The following ACAP1 variants were observed in gnomAD, a reference collection of about 807,000 sequenced individuals.
ACAP1 encodes ArfGAP with coiled-coil, ankyrin repeat and PH domains 1.
In ACAP1, 45 loss-of-function variants were observed where a neutral mutation model predicts 98.8. That is an observed-to-expected ratio of 0.46 (90% CI 0.36 to 0.58). The LOEUF is 0.58. Ranked by LOEUF, ACAP1 falls within the 20% of genes least tolerant of loss-of-function variation. The pLI is 0.00. For missense variants in ACAP1, 735 were observed against 971.4 expected, an observed-to-expected ratio of 0.76 and a Z score of 3.24; for synonymous variants, 362 against 375.3, an observed-to-expected ratio of 0.96 and a Z score of 0.41.
rs943083760 is a variant in ACAP1, at chr17:7,351,292, C to T, written c.2123-3C>T. On this transcript the variant is annotated splice_region_variant and splice_polypyrimidine_tract_variant and intron_variant, in intron 21 of 21. Transcript: ENST00000158762. ...GCCTCCCGGCCTTTCCTCCCTCCCC[C>T]AGGAGATGAGACGTATCTTGACATC... is the stretch of plus-strand genomic sequence containing the variant. 6.2e-7 allele frequency: 1 copy of T among 1,611,722 alleles called. No homozygotes were observed. The highest frequency in any genetic ancestry group is 1.1e-5 in the South Asian group (1 of 90,790).
intron 10 of ACAP1, among the ~76,000 whole-genome samples, chr17:7,345,018 G>A (rs1321240615): frequency 6.6e-6 from 1 of 152,152 alleles, no homozygotes; most frequent in East Asian, 1.9e-4. Flanking sequence ...TGAGATAGCT[G>A]GGGAGTTGGA....
At chr17:7,338,067 C>T (rs904139407) in intron 2 of ACAP1, among the ~76,000 whole-genome samples, 2 of 152,096 alleles carry the variant, frequency 1.3e-5, no homozygotes, top group Non-Finnish European at 2.9e-5. Context: ...AATACACACT[C>T]AAATGCTCTC....
intron 17 of ACAP1, 165 bp downstream of exon 17, chr17:7,348,640 A>G (rs2143018131): frequency 1.3e-6 from 1 of 797,928 alleles, no homozygotes; most frequent in Non-Finnish European, 1.9e-6. Context: ...ATTAAGAATG[A>G]GAAGGAATGT....
At chr17:7,351,023 C>A (rs1266915895) in intron 21 of ACAP1, 24 bp downstream of exon 21, 1 of 1,612,288 alleles carries the variant, frequency 6.2e-7, no homozygotes, top group Non-Finnish European at 8.5e-7. Flanking sequence ...CCACCCCACC[C>A]CCCAGGCCCA....
chr17:7,343,873 G>A lies in ACAP1; in HGVS notation c.586G>A (p.Val196Met). 1 of 1,613,776 alleles carries A rather than the reference G, an allele frequency of 6.2e-7. No homozygotes were observed. The highest frequency in any genetic ancestry group is 8.5e-7 in the Non-Finnish European group (1 of 1,179,840). Reference sequence around the variant, plus strand: ...CCTTGTCCCCCAGGTGCTGCGTTTGGTGGAGGCCCAGGCTACCCATTTCCA... The same window carrying A: ...CCTTGTCCCCCAGGTGCTGCGTTTGATGGAGGCCCAGGCTACCCATTTCCA... ...FDIMEFVLRL[V>M]EAQATHFQQG... Residue 196 changes from valine to methionine, a missense_variant, in exon 8 of 22, where the codon GTG (valine) becomes ATG (methionine). Val to Met is a conservative substitution (Grantham distance 21). Transcript: ENST00000158762. This position sits in a 1 kb window ranked among gnomAD's most constrained non-coding sequence, Gnocchi z 4.9.
Position 7,350,267 on chromosome 17 carries a change from G to C in ACAP1, c.2072+30G>C. ...GAATGCCTGAAGGGGCGGGGCTGGC[G>C]CTGGGACTCCCCCCACCCCCGCCCA... On this transcript the variant is annotated intron_variant, in intron 20 of 21. Transcript: ENST00000158762. The surrounding 1 kb of genome is among the most constrained non-coding windows in gnomAD (Gnocchi z 4.6). The C allele has an allele frequency of 1.3e-6, 2 of 1,586,658 alleles. No homozygotes were observed. Among genetic ancestry groups the C allele is most frequent in the Non-Finnish European group, 1.7e-6 (2 of 1,157,114 alleles).
In ACAP1 at chr17:7,346,233, T is replaced by G. The variant is rs761908750; in HGVS notation, c.855-11T>G. 24 of 1,613,652 alleles carry G rather than the reference T, an allele frequency of 1.5e-5. No homozygotes were observed. The highest frequency in any genetic ancestry group is 1.9e-5 in the Non-Finnish European group (23 of 1,179,646). On this transcript the variant is annotated splice_polypyrimidine_tract_variant and intron_variant, in intron 10 of 21. Coordinates refer to ENST00000158762, the MANE Select transcript of ACAP1 (RefSeq NM_014716.4). Reference sequence around the variant, plus strand: ...GCTGCCTATGTCTGTAATGATTTCCTTCTCTTACAGACGCTGGTTCACCAT... The same window carrying G: ...GCTGCCTATGTCTGTAATGATTTCCGTCTCTTACAGACGCTGGTTCACCAT...
rs760075702 is a variant in ACAP1, at chr17:7,348,983, TC to T, written c.1679-7del. 3.0e-5 allele frequency: 49 copies of T among 1,609,872 alleles called. No individual in the cohort carries two copies. Among genetic ancestry groups the T allele is most frequent in the South Asian group, 1.1e-4 (10 of 90,868 alleles). On this transcript the variant is annotated splice_polypyrimidine_tract_variant and intron_variant, in intron 17 of 21. Coordinates refer to ENST00000158762, the MANE Select transcript of ACAP1 (RefSeq NM_014716.4). ...GCTGCTTCCCCCTAACAGAACCAAA[TC>T]CCCCGAACAGAGCCCCCCTCTGAGG...
rs1236429915 is a variant in ACAP1, at chr17:7,344,144, G to A, written c.744+21G>A. The A allele has an allele frequency of 6.4e-7, 1 of 1,555,070 alleles. No homozygotes were observed. ...AGAAGGTGAGGGGCCAGGTGCGGTG[G>A]CCCACGACCGTCATCCCAACATGTT... is the stretch of plus-strand genomic sequence containing the variant. On this transcript the variant is annotated intron_variant, in intron 9 of 21. Coordinates refer to ENST00000158762, the MANE Select transcript of ACAP1 (RefSeq NM_014716.4). The surrounding 1 kb of genome is among the most constrained non-coding windows in gnomAD (Gnocchi z 4.9).
chr17:7,336,930 C>A, intron 1 of ACAP1, 143 bp downstream of exon 1: 1 of 848,242 alleles, frequency 1.2e-6, no homozygotes, highest in Non-Finnish European at 1.9e-6. Context: ...AGTGGTACCC[C>A]AGCTGTGAAA....
Position 7,350,801 on chromosome 17 carries a change from G to A in ACAP1, c.2073-149G>A, listed in dbSNP as rs1345537828. 23 of 676,638 alleles carry A rather than the reference G, an allele frequency of 3.4e-5. No homozygotes were observed. Among genetic ancestry groups the A allele is most frequent in the South Asian group, 3.3e-4 (19 of 57,474 alleles). 41.9% of individuals were successfully genotyped at this position (676,638 alleles called of 1,614,324 possible). ...AATTTTTTGTATTTTTAGTAGAGAC[G>A]GGGTTTCACCATGTTGGCCAGGACG... On this transcript the variant is annotated intron_variant, in intron 20 of 21. Coordinates refer to ENST00000158762, the MANE Select transcript of ACAP1 (RefSeq NM_014716.4). This position sits in a 1 kb window ranked among gnomAD's most constrained non-coding sequence, Gnocchi z 4.6.
chr17:7,350,450 G>A lies in ACAP1; in HGVS notation c.2072+213G>A, dbSNP rs1358151308. The A allele has an allele frequency of 3.4e-6, 2 of 588,144 alleles. No homozygotes were observed. Among genetic ancestry groups the A allele is most frequent in the East Asian group, 5.6e-5 (2 of 35,476 alleles). The allele number at this position is 588,144 out of a possible 1,614,324, so 36.4% of individuals were successfully genotyped here. A position where few individuals can be genotyped will look rare whatever the true frequency, so the allele number is the denominator to read the frequency against. On this transcript the variant is annotated intron_variant, in intron 20 of 21. Transcript: ENST00000158762. The surrounding 1 kb of genome is among the most constrained non-coding windows in gnomAD (Gnocchi z 4.6). ...TAGAAGGCAGGCGGGAGGGCGGGCA[G>A]GGTGCAAGGATGCTTGGCCCACCCT...
chr17:7,349,293 C>A, intron 18 of ACAP1, 126 bp downstream of exon 18: 1 of 1,034,918 alleles, frequency 9.7e-7, no homozygotes, highest in Non-Finnish European at 1.4e-6. Context: ...AGGGAGAGAT[C>A]AACAATAGAG....
chr17:7,336,927 C>T lies in ACAP1; in HGVS notation c.53+140C>T, dbSNP rs1021003266. The T allele has an allele frequency of 4.6e-6, 4 of 869,504 alleles. No homozygotes were observed. The African/African-American group carries it at 5.0e-5, about 11-fold the overall frequency. 53.9% of individuals were successfully genotyped at this position (869,504 alleles called of 1,614,324 possible). A position where few individuals can be genotyped will look rare whatever the true frequency, so the allele number is the denominator to read the frequency against. ...AGCGAGCCTGTGGGCCAAAGTGGTA[C>T]CCCAGCTGTGAAAGCAGGGTACTCC... On this transcript the variant is annotated intron_variant, in intron 1 of 21. Coordinates refer to ENST00000158762, the MANE Select transcript of ACAP1 (RefSeq NM_014716.4).
Position 7,336,561 on chromosome 17 carries a change from T to A in ACAP1, c.-174T>A, listed in dbSNP as rs1366340166. 2 of 631,382 alleles carry A rather than the reference T, an allele frequency of 3.2e-6. No individual in the cohort carries two copies. Among genetic ancestry groups the A allele is most frequent in the Non-Finnish European group, 5.6e-6 (2 of 354,324 alleles). 39.1% of individuals were successfully genotyped at this position (631,382 alleles called of 1,614,324 possible). ...CCTGGAAGTGTGGGGTGAGAGCTCCTCCTAGGACACCCCTTTCCCCTTGGG... is the reference window on the plus strand; with the variant it reads ...CCTGGAAGTGTGGGGTGAGAGCTCCACCTAGGACACCCCTTTCCCCTTGGG... On this transcript the variant is annotated 5_prime_UTR_variant, in exon 1 of 22. Transcript: ENST00000158762.
Position 7,350,031 on chromosome 17 carries a change from C to T in ACAP1, c.1938C>T (p.His646=). 1.2e-6 allele frequency: 2 copies of T among 1,613,358 alleles called. No homozygotes were observed. Among genetic ancestry groups the T allele is most frequent in the Non-Finnish European group, 1.7e-6 (2 of 1,179,430 alleles). The change falls in exon 19 of 22, where the codon CAC becomes CAT. Residue 646 remains histidine (H), a synonymous_variant. Transcript: ENST00000158762. The surrounding 1 kb of genome is among the most constrained non-coding windows in gnomAD (Gnocchi z 4.6). ...ADSAGRGPLH[H]ATILGHTGLA... is the part of the protein sequence containing the mutation. ...GTGCGGGCCGGGGCCCGCTGCACCA[C>T]GCAACCATTCTTGGCCACACGGGGT...
In ACAP1 at chr17:7,336,584, G is replaced by T; in HGVS notation, c.-151G>T. 2.7e-6 allele frequency: 2 copies of T among 752,472 alleles called. No individual in the cohort carries two copies. The highest frequency in any genetic ancestry group is 4.5e-6 in the Non-Finnish European group (2 of 439,672). The allele number at this position is 752,472 out of a possible 1,614,324, so 46.6% of individuals were successfully genotyped here. ...CCTCCTAGGACACCCCTTTCCCCTT[G>T]GGGAAAGAATTGTGCCCCCAGGCCC... On this transcript the variant is annotated 5_prime_UTR_variant, in exon 1 of 22. Transcript: ENST00000158762.
Position 7,350,322 on chromosome 17 carries a change from C to T in ACAP1, c.2072+85C>T. On this transcript the variant is annotated intron_variant, in intron 20 of 21. Transcript: ENST00000158762. This position sits in a 1 kb window ranked among gnomAD's most constrained non-coding sequence, Gnocchi z 4.6. ...CGTTCGGGCGGGCGGGCGGGGCTGA[C>T]GCCGAAACAGAAGCCTGTGCTGTGG... is the stretch of plus-strand genomic sequence containing the variant. 2.7e-6 allele frequency: 3 copies of T among 1,109,742 alleles called. No homozygotes were observed. The highest frequency in any genetic ancestry group is 3.9e-6 in the Non-Finnish European group (3 of 768,426). 68.7% of individuals were successfully genotyped at this position (1,109,742 alleles called of 1,614,324 possible).
At chr17:7,345,456 T>C (rs989413534) in intron 10 of ACAP1, 6 of 152,084 alleles carry the variant, frequency 3.9e-5, no homozygotes, top group African/African-American at 1.5e-4. Flanking sequence ...CCTAAATAGC[T>C]GGGACCACAG....
Sources: allele counts gnomAD v4.1 joint callset (sites outside exome capture counted in the v4.1 genomes callset), GRCh38; gene constraint gnomAD v4.1.1; non-coding constraint Gnocchi (gnomAD v3.1); transcripts MANE v1.5; gene names NCBI Gene and HGNC (gene_info 2026-07-23, HGNC 2026-07-21).